The following KIF4A variants were observed in gnomAD, a reference collection of about 807,000 sequenced individuals.
KIF4A encodes the protein chromosome-associated kinesin KIF4A.
A neutral mutation model predicts 105.9 loss-of-function variants in KIF4A; 7 were observed. The ratio of observed to expected loss-of-function variants is 0.07; its 90% CI spans 0.04 to 0.12. The LOEUF (loss-of-function observed/expected upper bound fraction) is 0.12. Among genes scored for constraint, KIF4A ranks in the 10% least tolerant of loss-of-function variants. The probability of loss-of-function intolerance (pLI) is 1.00; values close to 1 mark genes in which losing one functional copy is unlikely to be tolerated. For synonymous variants in KIF4A, 281 were observed against 331.3 expected (o/e 0.85, Z 1.65); for missense variants, 558 against 929.2 (o/e 0.60, Z 5.19).
chrX:70,322,282 T>C (rs2147686582), intron 7 of KIF4A, among the ~76,000 whole-genome samples: 1 of 109,809 alleles, frequency 9.1e-6, no homozygotes, highest in Admixed American at 9.8e-5. Context: ...CCCTCATTCC[T>C]CCCTGTTGCT....
At chrX:70,333,743 T>G in intron 10 of KIF4A, 54 bp downstream of exon 10, 1 of 869,656 alleles carries the variant, frequency 1.1e-6, no homozygotes, top group Non-Finnish European at 1.7e-6. Context: ...CTATTTTTCC[T>G]AATAATAGTT....
chrX:70,290,383 C>CA, intron 1 of KIF4A, 55 bp from the exon 2 acceptor site: 2 of 1,157,225 alleles, frequency 1.7e-6, no homozygotes, highest in South Asian at 2.0e-5. Flanking sequence ...GACGCCCTCC[C>CA]ACCCCTGCTG....
At chrX:70,315,987 A>C (rs888127038) in intron 7 of KIF4A, among the ~76,000 whole-genome samples, 6 of 111,388 alleles carry the variant, frequency 5.4e-5, no homozygotes, top group Admixed American at 4.8e-4. Context: ...GAAAAATTCT[A>C]CATCACCCCT....
chrX:70,401,704 A>G (rs934570345), intron 22 of KIF4A, among the ~76,000 whole-genome samples: 1 of 111,858 alleles, frequency 8.9e-6, no homozygotes, highest in South Asian at 3.7e-4. Context: ...CCCAGCTAAA[A>G]TTTTTTTCAG....
At chrX:70,301,440 T>C (rs2085804072) in intron 5 of KIF4A, among the ~76,000 whole-genome samples, 1 of 111,550 alleles carries the variant, frequency 9.0e-6, no homozygotes, top group Non-Finnish European at 1.9e-5. Context: ...CCTGGCTTCC[T>C]AATCCAGTGG....
chrX:70,311,952 T>TAA lies in KIF4A; in HGVS notation c.778+9566_778+9567dup, dbSNP rs753894780. Among the ~76,000 whole-genome samples the TAA allele has an allele frequency of 3.5e-3, 286 of 81,956 alleles. 2 individuals carry two copies. The highest frequency in any genetic ancestry group is 0.012 in the African/African-American group (271 of 22,082). 71.2% of individuals were successfully genotyped at this position (81,956 alleles called of 115,157 possible). A position where few individuals can be genotyped will look rare whatever the true frequency, so the allele number is the denominator to read the frequency against. ...CTAGGCCATAGAGTGGGACCGTCTC[T>TAA]AAAAAAAAAAAAAGAAAAAAAAATA... On this transcript the variant is annotated intron_variant, in intron 7 of 30. Coordinates refer to ENST00000374403, the MANE Select transcript of KIF4A (RefSeq NM_012310.5).
chrX:70,387,458 T>C (rs191396182), intron 20 of KIF4A, among the ~76,000 whole-genome samples, 161 bp downstream of exon 20: 149 of 112,072 alleles, frequency 1.3e-3, no homozygotes, highest in Non-Finnish European at 2.4e-3. Context: ...TTTGAACTGT[T>C]GTTAAAGACC....
At chrX:70,310,231 A>G (rs775148818) in intron 7 of KIF4A, among the ~76,000 whole-genome samples, 66 of 109,607 alleles carry the variant, frequency 6.0e-4, no homozygotes, top group Admixed American at 9.8e-4. Context: ...TTCCACTTCC[A>G]GCAACCACTT....
chrX:70,328,577 CTTAA>C (rs938470058), intron 7 of KIF4A, among the ~76,000 whole-genome samples: 2 of 111,832 alleles, frequency 1.8e-5, no homozygotes. Context: ...TATATAGTAT[CTTAA>C]TTAATTCCCT....
chrX:70,396,527 A>T (rs954288894), intron 22 of KIF4A, among the ~76,000 whole-genome samples: 2 of 111,757 alleles, frequency 1.8e-5, no homozygotes, highest in African/African-American at 6.5e-5. Flanking sequence ...ATACAGCACA[A>T]TTTTTTCTCT....
intron 15 of KIF4A, among the ~76,000 whole-genome samples, chrX:70,365,311 G>A (rs1036553156): frequency 9.0e-6 from 1 of 111,551 alleles, no homozygotes; most frequent in Non-Finnish European, 1.9e-5. Context: ...GGGCATCCCT[G>A]TCTTGTGCCA....
chrX:70,366,778 G>T (rs1002843407), intron 15 of KIF4A, among the ~76,000 whole-genome samples: 9 of 111,667 alleles, frequency 8.1e-5, no homozygotes, highest in African/African-American at 2.9e-4. Context: ...GCTTGGTGCA[G>T]AGCTGAGTTC....
At chrX:70,397,835 G>GA (rs986031107) in intron 22 of KIF4A, among the ~76,000 whole-genome samples, 1 of 111,911 alleles carries the variant, frequency 8.9e-6, no homozygotes, top group Non-Finnish European at 1.9e-5. Flanking sequence ...GGGATATACA[G>GA]AAAAAATAGA....
chrX:70,405,182 T>C (rs953414013), intron 25 of KIF4A, among the ~76,000 whole-genome samples: 4 of 111,496 alleles, frequency 3.6e-5, no homozygotes, highest in Non-Finnish European at 5.6e-5. Flanking sequence ...TGTTCTTCTG[T>C]GCTGAGACCT....
intron 9 of KIF4A, among the ~76,000 whole-genome samples, chrX:70,332,869 C>T (rs768694062): frequency 1.8e-5 from 2 of 111,291 alleles, no homozygotes; most frequent in African/African-American, 6.5e-5. Flanking sequence ...CATGAAGCCT[C>T]CCTTTGACTA....
At chrX:70,290,272 CTT>C in intron 1 of KIF4A, 122 bp downstream of exon 1, 2 of 527,018 alleles carry the variant, frequency 3.8e-6, no homozygotes, top group Non-Finnish European at 5.9e-6. Context: ...CGTGCACTCT[CTT>C]TAGAGTGCAG....
intron 3 of KIF4A, among the ~76,000 whole-genome samples, chrX:70,293,985 T>C (rs1190631368): frequency 8.9e-6 from 1 of 112,900 alleles, no homozygotes; most frequent in Non-Finnish European, 1.9e-5. Context: ...TTTTTTACTT[T>C]ATAAACTTTA....
At chrX:70,352,756 C>T in intron 14 of KIF4A, 100 bp downstream of exon 14, 1 of 541,901 alleles carries the variant, frequency 1.8e-6, no homozygotes, top group Non-Finnish European at 3.1e-6. Flanking sequence ...TGTTACCATC[C>T]TCCATAGAAT....
chrX:70,315,854 C>A (rs1488094832), intron 7 of KIF4A, among the ~76,000 whole-genome samples: 1 of 112,169 alleles, frequency 8.9e-6, no homozygotes, highest in African/African-American at 3.2e-5. Context: ...GCAGTATTGA[C>A]TTTCCCCCTA....
Sources: allele counts gnomAD v4.1 joint callset (sites outside exome capture counted in the v4.1 genomes callset), GRCh38; gene constraint gnomAD v4.1.1; transcripts MANE v1.5; gene names NCBI Gene and HGNC (gene_info 2026-07-23, HGNC 2026-07-21).